The following NELL1 variants were observed in gnomAD, a reference collection of about 807,000 sequenced individuals.
The protein encoded by NELL1 is protein kinase C-binding protein NELL1.
In NELL1, 76 loss-of-function variants were observed where a neutral mutation model predicts 107.4. The ratio of observed to expected loss-of-function variants is 0.71; its 90% CI spans 0.59 to 0.86. The LOEUF (loss-of-function observed/expected upper bound fraction) is 0.86. Among genes scored for constraint, NELL1 ranks in the 40% least tolerant of loss-of-function variants. NELL1 has a pLI of 0.00. For missense variants in NELL1, 1,024 were observed against 1,005.5 expected (o/e 1.02, Z -0.25); for synonymous variants, 353 against 341.2 (o/e 1.03, Z -0.38).
Position 21,497,851 on chromosome 11 carries a change from A to G in NELL1, c.1646-36523A>G, listed in dbSNP as rs1481027840. ...TTAGCTGCTTTGCTGTATATTGTAT[A>G]CAAGTTTATACCTGTGATATATTTG... On this transcript the variant is annotated intron_variant, in intron 15 of 19. Coordinates refer to ENST00000357134, the MANE Select transcript of NELL1 (RefSeq NM_006157.5). 2.0e-5 allele frequency among the ~76,000 whole-genome samples: 3 copies of G among 152,054 alleles called. No homozygotes were observed. In the East Asian group the frequency reaches 5.8e-4, roughly 29 times the overall value.
intron 15 of NELL1, among the ~76,000 whole-genome samples, chr11:21,450,117 A>G (rs1206395432): frequency 6.6e-6 from 1 of 152,220 alleles, no homozygotes; most frequent in Non-Finnish European, 1.5e-5. Flanking sequence ...GTTACTTCTG[A>G]AAGATTAGTA....
At chr11:21,233,467 C>T (rs182491747) in intron 14 of NELL1, among the ~76,000 whole-genome samples, 29 of 152,116 alleles carry the variant, frequency 1.9e-4, no homozygotes, top group Admixed American at 6.5e-4. Flanking sequence ...TCATTTAACT[C>T]TCTCCCTCAC....
At chr11:21,105,876 T>TC (rs1854953052) in intron 12 of NELL1, among the ~76,000 whole-genome samples, 1 of 35,622 alleles carries the variant, frequency 2.8e-5, no homozygotes, top group Non-Finnish European at 4.8e-5. Context: ...CTCCCCTTCC[T>TC]CTCTCCTCTC....
At chr11:20,816,399 T>C (rs994364029) in intron 3 of NELL1, among the ~76,000 whole-genome samples, 1 of 152,196 alleles carries the variant, frequency 6.6e-6, no homozygotes, top group Non-Finnish European at 1.5e-5. Flanking sequence ...TTTTATATTT[T>C]TGTGGCTATT....
At chr11:21,171,447 G>A (rs892515810) in intron 13 of NELL1, among the ~76,000 whole-genome samples, 5 of 151,638 alleles carry the variant, frequency 3.3e-5, no homozygotes, top group African/African-American at 4.9e-5. Context: ...ATTTTTTAAC[G>A]AAACTGTGAT....
chr11:20,716,260 G>T (rs1384616330), intron 2 of NELL1, among the ~76,000 whole-genome samples: 2 of 152,200 alleles, frequency 1.3e-5, no homozygotes, highest in Non-Finnish European at 2.9e-5. Flanking sequence ...TGACCCCTGG[G>T]TATATCACTT....
At position 20,810,343 on chromosome 11, in the gene NELL1, A is replaced by G. The variant is rs569671529; in HGVS notation, c.335+26513A>G. On this transcript the variant is annotated intron_variant, in intron 3 of 19. Transcript: ENST00000357134. The stretch of plus-strand genomic sequence containing the variant: ...TTACCTGAGCAGTATACACTGCACC[A>G]TATTTGCTGTCTTTTATCCCTCACC... 9.9e-5 allele frequency among the ~76,000 whole-genome samples: 15 copies of G among 152,242 alleles called. No homozygotes were observed. The South Asian group carries it at 2.5e-3, about 25-fold the overall frequency.
intron 4 of NELL1, among the ~76,000 whole-genome samples, chr11:20,863,968 C>T (rs1464532709): frequency 2.0e-5 from 3 of 152,098 alleles, no homozygotes; most frequent in Non-Finnish European, 4.4e-5. Context: ...ACCAGTCAGG[C>T]GTGGCGGCGC....
At chr11:20,743,278 G>A (rs978098718) in intron 2 of NELL1, among the ~76,000 whole-genome samples, 10 of 151,842 alleles carry the variant, frequency 6.6e-5, no homozygotes, top group Non-Finnish European at 1.5e-4. Flanking sequence ...CCTTGAACCC[G>A]GGGGGTGGTG....
chr11:21,420,333 G>T (rs1194033643), intron 15 of NELL1, among the ~76,000 whole-genome samples: 1 of 151,772 alleles, frequency 6.6e-6, no homozygotes, highest in Non-Finnish European at 1.5e-5. Context: ...TGCTTCCTAA[G>T]TCCCCATAAA....
At chr11:21,294,149 T>G (rs1188734574) in intron 14 of NELL1, among the ~76,000 whole-genome samples, 1 of 152,112 alleles carries the variant, frequency 6.6e-6, no homozygotes, top group African/African-American at 2.4e-5. Context: ...ACATGGGCAT[T>G]GCTTAATCAG....
At chr11:21,404,128 G>T (rs575464099) in intron 15 of NELL1, among the ~76,000 whole-genome samples, 1 of 149,980 alleles carries the variant, frequency 6.7e-6, no homozygotes, top group Admixed American at 6.8e-5. Context: ...AAGCAACTTT[G>T]TGTCTCAGGC....
At chr11:21,451,616 T>G (rs1853589026) in intron 15 of NELL1, among the ~76,000 whole-genome samples, 1 of 152,306 alleles carries the variant, frequency 6.6e-6, no homozygotes, top group East Asian at 1.9e-4. Flanking sequence ...GAATCAGGAA[T>G]TTACATTTTA....
At chr11:20,693,692 G>A (rs1248941438) in intron 2 of NELL1, among the ~76,000 whole-genome samples, 3 of 151,970 alleles carry the variant, frequency 2.0e-5, no homozygotes, top group Admixed American at 1.3e-4. Context: ...AGGGTAACCC[G>A]ACCTTTCTCT....
intron 4 of NELL1, among the ~76,000 whole-genome samples, chr11:20,853,558 C>T (rs1461361005): frequency 6.6e-6 from 1 of 152,110 alleles, no homozygotes; most frequent in Non-Finnish European, 1.5e-5. Flanking sequence ...AGGCCAAATC[C>T]TCTGAAAATG....
chr11:20,679,744 G>A (rs959262170), intron 2 of NELL1, among the ~76,000 whole-genome samples: 3 of 152,104 alleles, frequency 2.0e-5, no homozygotes, highest in East Asian at 3.9e-4. Context: ...TGGCTGGTCT[G>A]TAAGCTTCAA....
At chr11:20,741,729 A>G (rs1024020547) in intron 2 of NELL1, among the ~76,000 whole-genome samples, 3 of 152,194 alleles carry the variant, frequency 2.0e-5, no homozygotes, top group Non-Finnish European at 4.4e-5. Flanking sequence ...GAACACTCCA[A>G]GTCTTTATAA....
intron 12 of NELL1, among the ~76,000 whole-genome samples, chr11:20,979,942 A>G (rs773349381): frequency 5.3e-5 from 8 of 152,296 alleles, no homozygotes; most frequent in Admixed American, 3.3e-4. Flanking sequence ...CAAAGGAAGA[A>G]CAGGACCTTC....
intron 1 of NELL1, among the ~76,000 whole-genome samples, chr11:20,673,130 G>A (rs1853962406): frequency 6.6e-6 from 1 of 152,064 alleles, no homozygotes; most frequent in African/African-American, 2.4e-5. Flanking sequence ...CCAAAGTGCT[G>A]AGATTACAGG....
Sources: allele counts gnomAD v4.1 joint callset (sites outside exome capture counted in the v4.1 genomes callset), GRCh38; gene constraint gnomAD v4.1.1; transcripts MANE v1.5; gene names NCBI Gene and HGNC (gene_info 2026-07-23, HGNC 2026-07-21).